WNT7A: variants seen among roughly 807,000 people sequenced by gnomAD.
WNT7A encodes the protein protein Wnt-7a.
A neutral mutation model predicts 28.2 loss-of-function variants in WNT7A; 16 were observed. That is an observed-to-expected ratio of 0.57 (90% CI 0.38 to 0.86). The LOEUF (loss-of-function observed/expected upper bound fraction) is 0.86. Ranked by LOEUF, WNT7A falls within the 40% of genes least tolerant of loss-of-function variation. WNT7A has a pLI of 0.00. For synonymous variants in WNT7A, 190 were observed against 195.9 expected (o/e 0.97, Z 0.25); for missense variants, 411 against 489.7 (o/e 0.84, Z 1.52).
intron 3 of WNT7A, among the ~76,000 whole-genome samples, chr3:13,845,180 T>G (rs1694519506): frequency 6.6e-6 from 1 of 152,202 alleles, no homozygotes; most frequent in African/African-American, 2.4e-5. Context: ...GGCCAGCATC[T>G]GGGACCCCCT....
chr3:13,863,524 A>G (rs747316066), intron 2 of WNT7A: 1 of 152,184 alleles, frequency 6.6e-6, no homozygotes, highest in Non-Finnish European at 1.5e-5. Context: ...GGAAGAGAAC[A>G]TTATAACAAA....
chr3:13,834,429 G>A (rs1271321119), intron 3 of WNT7A, among the ~76,000 whole-genome samples: 1 of 152,070 alleles, frequency 6.6e-6, no homozygotes, highest in Non-Finnish European at 1.5e-5. Context: ...TCAGGTGCAC[G>A]CTGTGGGTTG....
At chr3:13,842,443 C>A (rs565201718) in intron 3 of WNT7A, among the ~76,000 whole-genome samples, 1 of 152,044 alleles carries the variant, frequency 6.6e-6, no homozygotes, top group Admixed American at 6.5e-5. Flanking sequence ...GGCAAGGGGA[C>A]AATTGTGCAA....
At chr3:13,819,525 TG>T in intron 3 of WNT7A, 102 bp from the exon 4 acceptor site, 2 of 1,393,324 alleles carry the variant, frequency 1.4e-6, no homozygotes, top group Non-Finnish European at 1.9e-6. Context: ...CCCACCTATC[TG>T]GGTCTGGCTT....
At chr3:13,872,489 C>A (rs1182441743) in intron 2 of WNT7A, among the ~76,000 whole-genome samples, 1 of 152,156 alleles carries the variant, frequency 6.6e-6, no homozygotes, top group Non-Finnish European at 1.5e-5. Context: ...GTTAAATTGA[C>A]CCTGTATACC....
intron 1 of WNT7A, among the ~76,000 whole-genome samples, chr3:13,877,756 C>T (rs772592757): frequency 2.0e-5 from 3 of 152,194 alleles, no homozygotes; most frequent in Non-Finnish European, 4.4e-5. Context: ...TTAGAAGGTG[C>T]CAGGCACATA....
At chr3:13,842,547 C>T (rs558487215) in intron 3 of WNT7A, among the ~76,000 whole-genome samples, 9 of 152,172 alleles carry the variant, frequency 5.9e-5, no homozygotes, top group South Asian at 2.1e-4. Context: ...ATCATGAGCT[C>T]GGGGGTATAA....
At chr3:13,844,238 G>A (rs1265892224) in intron 3 of WNT7A, among the ~76,000 whole-genome samples, 2 of 152,184 alleles carry the variant, frequency 1.3e-5, no homozygotes, top group Non-Finnish European at 2.9e-5. Flanking sequence ...CCACTGAACT[G>A]CTCTGTGCCT....
chr3:13,875,233 AC>A, intron 1 of WNT7A, 60 bp from the exon 2 acceptor site: 1 of 1,584,274 alleles, frequency 6.3e-7, no homozygotes, highest in South Asian at 1.1e-5. Flanking sequence ...TGGCCTGGGA[AC>A]CCTTCGTAGG....
At chr3:13,843,341 C>A (rs1173073462) in intron 3 of WNT7A, among the ~76,000 whole-genome samples, 4 of 152,216 alleles carry the variant, frequency 2.6e-5, no homozygotes, top group Non-Finnish European at 5.9e-5. Context: ...GGCATTATCT[C>A]ATGCAATCTG....
At chr3:13,820,715 T>C (rs1352237763) in intron 3 of WNT7A, among the ~76,000 whole-genome samples, 1 of 152,188 alleles carries the variant, frequency 6.6e-6, no homozygotes, top group Non-Finnish European at 1.5e-5. Context: ...TCCCTGACTC[T>C]GAGAATTGGG....
intron 3 of WNT7A, among the ~76,000 whole-genome samples, chr3:13,853,910 C>T (rs1290542606): frequency 3.3e-5 from 5 of 152,088 alleles, no homozygotes; most frequent in African/African-American, 1.2e-4. Flanking sequence ...GAGCCTGGGA[C>T]CTGGGACCTG....
chr3:13,874,808 A>C, intron 2 of WNT7A, 139 bp downstream of exon 2: 5 of 869,896 alleles, frequency 5.7e-6, no homozygotes, highest in Non-Finnish European at 9.4e-6. Flanking sequence ...TCCTGAATGC[A>C]AGTCAATGCA....
chr3:13,836,121 C>A (rs1448387888), intron 3 of WNT7A, among the ~76,000 whole-genome samples: 1 of 151,396 alleles, frequency 6.6e-6, no homozygotes, highest in Non-Finnish European at 1.5e-5. Flanking sequence ...ACTGTGAATA[C>A]CCTAAAAACC....
At chr3:13,857,618 C>T (rs1379266246) in intron 2 of WNT7A, among the ~76,000 whole-genome samples, 1 of 152,142 alleles carries the variant, frequency 6.6e-6, no homozygotes, top group Non-Finnish European at 1.5e-5. Context: ...GGAAGACTCA[C>T]CCCCGGTCCA....
At chr3:13,852,887 G>A (rs1694662927) in intron 3 of WNT7A, among the ~76,000 whole-genome samples, 1 of 152,170 alleles carries the variant, frequency 6.6e-6, no homozygotes, top group Non-Finnish European at 1.5e-5. Flanking sequence ...CTGTAGAAGT[G>A]CTTTTCTAGA....
At position 13,854,738 on chromosome 3, in the gene WNT7A, C is replaced by A; in HGVS notation, c.364G>T (p.Ala122Ser). The stretch of plus-strand genomic sequence containing the variant: ...TCGCTCAGGTTGCCCTGGGTACAGG[C>A]AGCTGTGATGGCGTGGGCCACGCCG... ...AAGVAHAITAACTQGNLSDCG... is the reference protein window; with the variant it reads ...AAGVAHAITASCTQGNLSDCG... The change falls in exon 3 of 4, where the codon GCC becomes TCC. Residue 122 changes from alanine to serine, a missense_variant. Physicochemically the swap from Ala to Ser is moderately conservative, Grantham distance 99. Transcript: ENST00000285018. The A allele has an allele frequency of 3.1e-6, 5 of 1,614,050 alleles. No homozygotes were observed. Among genetic ancestry groups the A allele is most frequent in the Non-Finnish European group, 4.2e-6 (5 of 1,180,042 alleles).
chr3:13,846,384 G>A (rs1694538842), intron 3 of WNT7A, among the ~76,000 whole-genome samples: 2 of 152,172 alleles, frequency 1.3e-5, no homozygotes, highest in African/African-American at 2.4e-5. Context: ...TTGAGGTTAA[G>A]ACCTGGATCT....
At chr3:13,837,330 C>A (rs1410278525) in intron 3 of WNT7A, among the ~76,000 whole-genome samples, 1 of 152,024 alleles carries the variant, frequency 6.6e-6, no homozygotes, top group African/African-American at 2.4e-5. Context: ...GGATGGCCCC[C>A]TCTCCACAGT....
Sources: allele counts gnomAD v4.1 joint callset (sites outside exome capture counted in the v4.1 genomes callset), GRCh38; gene constraint gnomAD v4.1.1; transcripts MANE v1.5; gene names NCBI Gene and HGNC (gene_info 2026-07-23, HGNC 2026-07-21).